EYS: variants seen among roughly 807,000 people sequenced by gnomAD.
EYS encodes the protein protein eyes shut homolog.
EYS carries 250 observed loss-of-function variants against 282.1 expected under a neutral mutation model. The ratio of observed to expected loss-of-function variants is 0.89; its 90% CI spans 0.80 to 0.98. EYS has a LOEUF of 0.98. EYS is among the 50% of genes least tolerant of loss of function. EYS has a pLI of 0.00. For synonymous variants in EYS, 1,355 were observed against 1,282.9 expected (o/e 1.06, Z -1.20); for missense variants, 4,016 against 3,709.0 (o/e 1.08, Z -2.15).
intron 5 of EYS, among the ~76,000 whole-genome samples, chr6:65,409,697 T>C (rs1029267939): frequency 6.6e-6 from 1 of 152,124 alleles, no homozygotes; most frequent in Non-Finnish European, 1.5e-5. Context: ...AACATATTTA[T>C]TGAAAAATTT....
At chr6:64,045,729 G>C (rs937607097) in intron 33 of EYS, among the ~76,000 whole-genome samples, 4 of 151,168 alleles carry the variant, frequency 2.6e-5, no homozygotes, top group African/African-American at 9.7e-5. Context: ...TTACAGGCGT[G>C]AGCCACCATG....
intron 8 of EYS, among the ~76,000 whole-genome samples, chr6:65,365,460 C>A (rs992373513): frequency 3.3e-5 from 5 of 151,610 alleles, no homozygotes; most frequent in Non-Finnish European, 5.9e-5. Flanking sequence ...TGTGGTCAGT[C>A]CCTCCTCAGT....
At position 63,999,097 on chromosome 6, in the gene EYS, G is replaced by A. The variant is rs1243022991; in HGVS notation, c.6812C>T (p.Thr2271Ile). ...DGKPPVQKKD[T>I]EISHASQAYF... ...TACCTGAGAGGCATGGGAAATCTCT[G>A]TGTCTTTCTTCTGTACTGGAGGTTT... The change falls in exon 34 of 43, where the codon ACA (threonine) becomes ATA (isoleucine). Residue 2271 changes from threonine (T) to isoleucine (I), a missense_variant. Transcript: ENST00000503581. 1.9e-6 allele frequency: 3 copies of A among 1,550,886 alleles called. No homozygotes were observed. Among genetic ancestry groups the A allele is most frequent in the Admixed American group, 2.0e-5 (1 of 50,976 alleles).
intron 12 of EYS, among the ~76,000 whole-genome samples, chr6:65,272,432 A>C (rs547768988): frequency 2.0e-5 from 3 of 152,122 alleles, no homozygotes; most frequent in African/African-American, 7.2e-5. Context: ...ACAGCTCACT[A>C]AAGAGTGACT....
intron 28 of EYS, among the ~76,000 whole-genome samples, chr6:64,404,887 T>G (rs548779201): frequency 6.6e-6 from 1 of 152,278 alleles, no homozygotes; most frequent in African/African-American, 2.4e-5. Context: ...GAAGAATTGA[T>G]GCAGAATCAT....
chr6:65,267,508 C>T (rs1032171198), intron 12 of EYS, among the ~76,000 whole-genome samples: 2 of 152,020 alleles, frequency 1.3e-5, no homozygotes, highest in South Asian at 4.1e-4. Context: ...TGGGGTTTCA[C>T]CCTAGATCTG....
rs1211083885 is a variant in EYS, at chr6:65,353,366, TA to T, written c.1459+91del. 4.6e-6 allele frequency: 5 copies of T among 1,079,378 alleles called. No homozygotes were observed. The East Asian group carries it at 1.0e-4, about 21-fold the overall frequency. The allele number at this position is 1,079,378 out of a possible 1,614,324, so 66.9% of individuals were successfully genotyped here. On this transcript the variant is annotated intron_variant, in intron 9 of 42. Coordinates refer to ENST00000503581, the MANE Select transcript of EYS (RefSeq NM_001142800.2). Reference sequence around the variant, plus strand: ...TTAGTTTATATTACGTTTTGAGATATAAAATACTTTGTGTGTTTAGAAAATG... The same window carrying T: ...TTAGTTTATATTACGTTTTGAGATATAAATACTTTGTGTGTTTAGAAAATG...
intron 33 of EYS, among the ~76,000 whole-genome samples, chr6:64,028,434 G>T (rs1769644036): frequency 6.6e-6 from 1 of 152,220 alleles, no homozygotes; most frequent in South Asian, 2.1e-4. Context: ...TCATTGGAGA[G>T]TAGTGCAAGA....
rs140841898 is a variant in EYS, at chr6:64,152,029, G to A, written c.6425-70027C>T. ...TTAACTCTCCTCCTTAGGGATATTT[G>A]TTGTGCAGTTCACAAGTTCAATGCA... is the stretch of plus-strand genomic sequence containing the variant. On this transcript the variant is annotated intron_variant, in intron 31 of 42. Transcript: ENST00000503581. 1.2e-3 allele frequency among the ~76,000 whole-genome samples: 188 copies of A among 152,092 alleles called. 1 individual carries two copies. The highest frequency in any genetic ancestry group is 4.3e-3 in the African/African-American group (177 of 41,486).
chr6:63,873,324 A>AC (rs1772866889), intron 35 of EYS, among the ~76,000 whole-genome samples: 1 of 152,148 alleles, frequency 6.6e-6, no homozygotes, highest in Non-Finnish European at 1.5e-5. Context: ...CCTACAAAGG[A>AC]CATGAACTCA....
chr6:65,137,360 G>T (rs1776050333), intron 12 of EYS, among the ~76,000 whole-genome samples: 2 of 152,078 alleles, frequency 1.3e-5, no homozygotes, highest in Non-Finnish European at 2.9e-5. Context: ...GCCCTCAGGA[G>T]TTTGGCATCG....
intron 22 of EYS, among the ~76,000 whole-genome samples, chr6:64,671,988 G>T (rs376040104): frequency 1.3e-4 from 20 of 151,688 alleles, no homozygotes; most frequent in African/African-American, 4.8e-4. Context: ...TCTTCAAAGC[G>T]CAATTATTTT....
chr6:64,590,937 A>T lies in EYS; in HGVS notation c.4930T>A (p.Ser1644Thr). The T allele has an allele frequency of 6.4e-7, 1 of 1,550,960 alleles. No homozygotes were observed. The highest frequency in any genetic ancestry group is 8.7e-7 in the Non-Finnish European group (1 of 1,146,718). Residue 1644 changes from serine to threonine, a missense_variant, in exon 26 of 43, where the codon TCC becomes ACC. Coordinates refer to ENST00000503581, the MANE Select transcript of EYS (RefSeq NM_001142800.2). The part of the protein sequence containing the change: ...KSAKRTILSS[S>T]LEESITLSSN... ...GATAGGGTAATGGATTCTTCCAAGG[A>T]TGAGGATAAAATTGTTCTTTTTGCA...
intron 26 of EYS, among the ~76,000 whole-genome samples, chr6:64,564,752 A>C (rs926585077): frequency 1.0e-4 from 15 of 148,216 alleles, no homozygotes; most frequent in African/African-American, 3.7e-4. Context: ...ACACATGGAC[A>C]CAGGGAGGGA....
intron 11 of EYS, among the ~76,000 whole-genome samples, chr6:65,312,426 C>T (rs111535722): frequency 0.049 from 7,387 of 152,130 alleles, 321 homozygotes; most frequent in African/African-American, 0.12. Flanking sequence ...GGCCGTCACT[C>T]GCATAGGTCA....
intron 29 of EYS, among the ~76,000 whole-genome samples, chr6:64,309,128 CAT>C (rs1346528030): frequency 4.6e-5 from 7 of 152,166 alleles, no homozygotes; most frequent in African/African-American, 1.4e-4. Context: ...TTAAATCTGA[CAT>C]AGCTCAGCAA....
chr6:64,859,672 ATGTGCCTTTCACTTTCCCCTGTGATTG>A (rs1766172748), intron 19 of EYS, among the ~76,000 whole-genome samples: 2 of 152,142 alleles, frequency 1.3e-5, no homozygotes, highest in Non-Finnish European at 2.9e-5. Flanking sequence ...GCCATGTGAG[ATGTGCCTTTCACTTTCCCCTGTGATTG>A]TGAGGCCTCC....
chr6:65,620,772 C>T (rs1766447296), intron 2 of EYS, among the ~76,000 whole-genome samples: 1 of 151,816 alleles, frequency 6.6e-6, no homozygotes, highest in Non-Finnish European at 1.5e-5. Context: ...TCATTGGTTT[C>T]AAAGAACATC....
At chr6:65,513,609 A>T (rs1018202419) in intron 2 of EYS, among the ~76,000 whole-genome samples, 1 of 152,228 alleles carries the variant, frequency 6.6e-6, no homozygotes, top group Non-Finnish European at 1.5e-5. Flanking sequence ...AGTGGGCTTC[A>T]TCCCTGGGAT....
Sources: allele counts gnomAD v4.1 joint callset (sites outside exome capture counted in the v4.1 genomes callset), GRCh38; gene constraint gnomAD v4.1.1; transcripts MANE v1.5; gene names NCBI Gene and HGNC (gene_info 2026-07-23, HGNC 2026-07-21).